Variants in CRTC3 observed in about 807,000 individuals in gnomAD.
CRTC3 encodes the protein CREB-regulated transcription coactivator 3.
In CRTC3, 26 loss-of-function variants were observed where a neutral mutation model predicts 74.5. The observed-to-expected ratio is 0.35, with a 90% CI of 0.26 to 0.48. The LOEUF is 0.48. Among genes scored for constraint, CRTC3 ranks in the 20% least tolerant of loss-of-function variants. CRTC3 has a pLI of 0.99. For synonymous variants in CRTC3, 377 were observed against 325.8 expected, an observed-to-expected ratio of 1.16 and a Z score of -1.69; for missense variants, 760 against 787.3, an observed-to-expected ratio of 0.97 and a Z score of 0.41.
intron 2 of CRTC3, among the ~76,000 whole-genome samples, chr15:90,560,207 T>C (rs1225594378): frequency 6.6e-6 from 1 of 152,216 alleles, no homozygotes; most frequent in Non-Finnish European, 1.5e-5. Context: ...TTCATTCAGC[T>C]AGTATTTGTT....
intron 2 of CRTC3, among the ~76,000 whole-genome samples, chr15:90,547,316 T>C (rs1304761100): frequency 6.6e-6 from 1 of 152,186 alleles, no homozygotes; most frequent in African/African-American, 2.4e-5. Flanking sequence ...ACTATAGATA[T>C]CTTGAACTTG....
intron 1 of CRTC3, among the ~76,000 whole-genome samples, chr15:90,537,761 G>A (rs1966743689): frequency 6.6e-6 from 1 of 152,118 alleles, no homozygotes; most frequent in Non-Finnish European, 1.5e-5. Flanking sequence ...TGCAACCTCT[G>A]CTTCCTGGGT....
rs1331586000 is a variant in CRTC3, at chr15:90,530,192, A to T, written c.121A>T (p.Thr41Ser). Residue 41 changes from threonine (T) to serine (S), a missense_variant, in exon 1 of 15, where the codon ACC (threonine) becomes TCC (serine). Thr to Ser is a moderately conservative substitution (Grantham distance 58). Coordinates refer to ENST00000268184, the MANE Select transcript of CRTC3 (RefSeq NM_022769.5). The surrounding 1 kb of genome is among the most constrained non-coding windows in gnomAD (Gnocchi z 6.2). ...RAFEQLMTDLTLSRVQFQKLQ... is the reference protein window; with the variant it reads ...RAFEQLMTDLSLSRVQFQKLQ... ...CTTCGAGCAGCTCATGACCGACCTC[A>T]CCCTGTCGCGGGTGAGGGCCCGGGC... 18 of 1,285,482 alleles carry T rather than the reference A, an allele frequency of 1.4e-5. No homozygotes were observed. Among genetic ancestry groups the T allele is most frequent in the Non-Finnish European group, 1.8e-5 (18 of 992,012 alleles). The allele number at this position is 1,285,482 out of a possible 1,614,324, so 79.6% of individuals were successfully genotyped here.
chr15:90,565,838 T>C (rs756837209), intron 2 of CRTC3, among the ~76,000 whole-genome samples: 4 of 152,214 alleles, frequency 2.6e-5, no homozygotes, highest in Non-Finnish European at 4.4e-5. Context: ...GCCATTCCTG[T>C]GTCTCTCCCC....
chr15:90,537,422 C>T lies in CRTC3; in HGVS notation c.133-2617C>T, dbSNP rs542780314. Among the ~76,000 whole-genome samples, 4 of 152,292 alleles carry T rather than the reference C, an allele frequency of 2.6e-5. No homozygotes were observed. In the East Asian group the frequency reaches 5.8e-4, roughly 22 times the overall value. ...TTGTTTTTTTAGAGTCTCGCTCTGT[C>T]GCCCAGGCTGGAGTGCAATGGCGCC... is the stretch of plus-strand genomic sequence containing the variant. On this transcript the variant is annotated intron_variant, in intron 1 of 14. Coordinates refer to ENST00000268184, the MANE Select transcript of CRTC3 (RefSeq NM_022769.5).
chr15:90,556,874 T>C (rs1264995535), intron 2 of CRTC3, among the ~76,000 whole-genome samples: 1 of 151,532 alleles, frequency 6.6e-6, no homozygotes, highest in African/African-American at 2.4e-5. Flanking sequence ...ATAGTATGTA[T>C]TGACTTGTCA....
At chr15:90,588,016 G>C (rs928643636) in intron 2 of CRTC3, among the ~76,000 whole-genome samples, 1 of 151,772 alleles carries the variant, frequency 6.6e-6, no homozygotes, top group African/African-American at 2.4e-5. Context: ...GGGAGGCCGA[G>C]GGGGGTGGAT....
At chr15:90,562,301 T>C (rs891254778) in intron 2 of CRTC3, among the ~76,000 whole-genome samples, 4 of 152,214 alleles carry the variant, frequency 2.6e-5, no homozygotes, top group African/African-American at 9.6e-5. Context: ...CCTGATATCA[T>C]TGAGTTCCCA....
At chr15:90,614,893 G>A (rs8029739) in intron 7 of CRTC3, among the ~76,000 whole-genome samples, 2,467 of 151,946 alleles carry the variant, frequency 0.016, 61 homozygotes, top group African/African-American at 0.056. Flanking sequence ...GTGAAACCCC[G>A]TCTCTACTAA....
chr15:90,634,902 A>T (rs946644615), intron 11 of CRTC3: 60 of 1,574,976 alleles, frequency 3.8e-5, no homozygotes, highest in Non-Finnish European at 6.1e-6. Context: ...GGCTGGAGAG[A>T]TTCAACCAGT....
At position 90,644,651 on chromosome 15, in the gene CRTC3, T is replaced by G. The variant is rs1184410145; in HGVS notation, c.*2511T>G. On this transcript the variant is annotated 3_prime_UTR_variant, in exon 15 of 15. Transcript: ENST00000268184. The stretch of plus-strand genomic sequence containing the variant: ...TCTATGAGTGAGTCCGATCTTTTCT[T>G]GTGAAAGGTTTTGGGCATCGTACAA... The G allele has an allele frequency of 8.6e-6, 2 of 232,140 alleles. No homozygotes were observed. The highest frequency in any genetic ancestry group is 1.7e-5 in the Non-Finnish European group (2 of 117,472). The allele number at this position is 232,140 out of a possible 1,614,324, so 14.4% of individuals were successfully genotyped here.
Position 90,607,404 on chromosome 15 carries a change from C to G in CRTC3, c.503C>G (p.Thr168Arg). The G allele has an allele frequency of 6.2e-7, 1 of 1,613,122 alleles. No homozygotes were observed. Among genetic ancestry groups the G allele is most frequent in the Non-Finnish European group, 8.5e-7 (1 of 1,179,464 alleles). ...NRTNSDSALH[T>R]SALSTKPQDP... Reference sequence around the variant, plus strand: ...ACCAATTCTGATTCTGCTCTTCACACGAGTGCTCTGAGTACCAAGCCCCAG... The same window carrying G: ...ACCAATTCTGATTCTGCTCTTCACAGGAGTGCTCTGAGTACCAAGCCCCAG... Residue 168 changes from threonine (T) to arginine (R), a missense_variant, in exon 6 of 15, where the codon ACG becomes AGG. Physicochemically the swap from Thr to Arg is moderately conservative, Grantham distance 71. Coordinates refer to ENST00000268184, the MANE Select transcript of CRTC3 (RefSeq NM_022769.5).
intron 2 of CRTC3, among the ~76,000 whole-genome samples, chr15:90,586,122 CAGG>C (rs1967653983): frequency 6.6e-6 from 1 of 152,130 alleles, no homozygotes; most frequent in Non-Finnish European, 1.5e-5. Context: ...GTTGCTCTTG[CAGG>C]AGTTTTATCA....
intron 2 of CRTC3, among the ~76,000 whole-genome samples, chr15:90,560,382 C>A (rs145474152): frequency 2.6e-5 from 4 of 152,306 alleles, no homozygotes; most frequent in Non-Finnish European, 5.9e-5. Flanking sequence ...CAGACTTTGG[C>A]CACATAATCA....
chr15:90,631,223 G>C (rs1969027379), intron 11 of CRTC3, among the ~76,000 whole-genome samples: 1 of 152,104 alleles, frequency 6.6e-6, no homozygotes, highest in Non-Finnish European at 1.5e-5. Flanking sequence ...TCGTATGAGT[G>C]ATCTCTTTTG....
At chr15:90,627,836 G>A (rs1968893369) in intron 10 of CRTC3, among the ~76,000 whole-genome samples, 1 of 108,794 alleles carries the variant, frequency 9.2e-6, no homozygotes, top group Non-Finnish European at 2.0e-5. Flanking sequence ...GGATGGTCTT[G>A]ATCTCCTGAC....
intron 2 of CRTC3, among the ~76,000 whole-genome samples, chr15:90,574,889 G>C (rs142025441): frequency 6.6e-6 from 1 of 152,140 alleles, no homozygotes; most frequent in East Asian, 1.9e-4. Context: ...TCTTTTGTGT[G>C]GTTGATCTTT....
chr15:90,626,480 A>T (rs999823895), intron 10 of CRTC3, among the ~76,000 whole-genome samples: 2 of 152,232 alleles, frequency 1.3e-5, no homozygotes, highest in Non-Finnish European at 1.5e-5. Context: ...CCACAGTTCC[A>T]GTTAAAGATG....
chr15:90,554,055 A>G (rs1966870102), intron 2 of CRTC3, among the ~76,000 whole-genome samples: 1 of 152,226 alleles, frequency 6.6e-6, no homozygotes. Context: ...CAAACCACTT[A>G]GCATGTCTTT....
Sources: gnomAD v4.1 joint callset for allele counts (sites outside exome capture counted in the v4.1 genomes callset) on GRCh38, gnomAD v4.1.1 for gene constraint, Gnocchi (gnomAD v3.1) non-coding constraint, MANE v1.5 for transcripts, NCBI Gene and HGNC (gene_info 2026-07-23, HGNC 2026-07-21) for gene names.